MIOS: variants seen among roughly 807,000 people sequenced by gnomAD.
MIOS encodes GATOR2 complex protein MIOS.
Under a neutral mutation model 96.9 loss-of-function variants are expected in MIOS, and 52 were observed. The observed-to-expected ratio is 0.54, with a 90% CI of 0.43 to 0.68. The LOEUF (loss-of-function observed/expected upper bound fraction) is 0.68, where lower values mean the gene tolerates loss of function less well. MIOS is among the 30% of genes least tolerant of loss of function. MIOS has a pLI of 0.00. For missense variants in MIOS, 1,005 were observed against 1,052.8 expected (o/e 0.95, Z 0.63); for synonymous variants, 397 against 359.5 (o/e 1.10, Z -1.18).
intron 11 of MIOS, 52 bp from the exon 12 acceptor site, chr7:7,605,888 CTT>C (rs1784516356): frequency 6.6e-7 from 1 of 1,505,528 alleles, no homozygotes; most frequent in Admixed American, 2.0e-5. Flanking sequence ...TTGAAAGTAA[CTT>C]TAAATAAAAT....
intron 7 of MIOS, among the ~76,000 whole-genome samples, chr7:7,587,821 C>T (rs909727427): frequency 2.0e-5 from 3 of 152,022 alleles, no homozygotes; most frequent in African/African-American, 7.2e-5. Context: ...GATCTTTTTT[C>T]CACCCTTAAA....
At position 7,573,288 on chromosome 7, in the gene MIOS, A is replaced by G. The variant is rs375854740; in HGVS notation, c.813A>G (p.Thr271=). 5 of 1,614,008 alleles carry G rather than the reference A, an allele frequency of 3.1e-6. No homozygotes were observed. The African/African-American group carries it at 4.0e-5, about 13-fold the overall frequency. ...LTLTEQPKPL[T]KVAWCPTRTG... ...TGACTGAGCAACCAAAACCCTTAAC[A>G]AAAGTAGCATGGTGTCCCACTAGGA... The change falls in exon 4 of 13, where the codon ACA becomes ACG. Residue 271 remains threonine (T), a synonymous_variant. Coordinates refer to ENST00000340080, the MANE Select transcript of MIOS (RefSeq NM_019005.4). This position sits in a 1 kb window ranked among gnomAD's most constrained non-coding sequence, Gnocchi z 5.0.
chr7:7,570,980 AC>A (rs987992559), intron 3 of MIOS, among the ~76,000 whole-genome samples: 1 of 152,182 alleles, frequency 6.6e-6, no homozygotes, highest in Non-Finnish European at 1.5e-5. Flanking sequence ...CCCAACTGAA[AC>A]TTTTGCAAGA....
chr7:7,581,240 G>A (rs904764493), intron 5 of MIOS, among the ~76,000 whole-genome samples: 32 of 139,648 alleles, frequency 2.3e-4, no homozygotes, highest in Admixed American at 7.6e-4. Context: ...GGCGGAGGTT[G>A]CAGTGAGCTG....
At chr7:7,570,541 T>C (rs540503916) in intron 3 of MIOS, among the ~76,000 whole-genome samples, 3 of 152,092 alleles carry the variant, frequency 2.0e-5, no homozygotes, top group East Asian at 1.9e-4. Flanking sequence ...TCTATTTACA[T>C]TGTACTATAC....
intron 12 of MIOS, 105 bp downstream of exon 12, chr7:7,606,176 A>T: frequency 7.1e-7 from 1 of 1,403,142 alleles, no homozygotes; most frequent in Non-Finnish European, 9.6e-7. Context: ...CAAAGTATGA[A>T]TTTTATTTTT....
Position 7,573,000 on chromosome 7 carries a change from A to G in MIOS, c.525A>G (p.Thr175=), listed in dbSNP as rs905776522. The G allele has an allele frequency of 6.2e-7, 1 of 1,614,124 alleles. No individual in the cohort carries two copies. The highest frequency in any genetic ancestry group is 8.5e-7 in the Non-Finnish European group (1 of 1,179,970). The change falls in exon 4 of 13, where the codon ACA becomes ACG. Residue 175 remains threonine, a synonymous_variant. Coordinates refer to ENST00000340080, the MANE Select transcript of MIOS (RefSeq NM_019005.4). The surrounding 1 kb of genome is among the most constrained non-coding windows in gnomAD (Gnocchi z 4.8). ...AGETETTLLV[T]KPLYELGQND... is the part of the protein sequence containing the mutation. ...AAACTGAAACAACATTATTAGTAAC[A>G]AAACCACTTTATGAGTTAGGACAGA...
intron 5 of MIOS, among the ~76,000 whole-genome samples, chr7:7,580,668 A>C (rs940631226): frequency 1.3e-5 from 2 of 150,744 alleles, no homozygotes; most frequent in Non-Finnish European, 3.0e-5. Flanking sequence ...AAGAGAGTTT[A>C]GACCTTTGAC....
intron 7 of MIOS, among the ~76,000 whole-genome samples, chr7:7,587,641 A>G (rs1418330041): frequency 1.3e-5 from 2 of 152,174 alleles, no homozygotes; most frequent in Admixed American, 6.5e-5. Flanking sequence ...AAATTTTGTA[A>G]CATATGCAAC....
At chr7:7,570,109 G>A (rs28706886) in intron 3 of MIOS, among the ~76,000 whole-genome samples, 4,516 of 152,260 alleles carry the variant, frequency 0.03, 222 homozygotes, top group African/African-American at 0.1. Flanking sequence ...TGAAGGACCA[G>A]GGGAAAGATG....
chr7:7,605,904 A>G (rs10276434), intron 11 of MIOS, 38 bp from the exon 12 acceptor site: 1,527,435 of 1,564,686 alleles, frequency 0.98, 745,625 homozygotes, highest in East Asian at 1. Flanking sequence ...ATAAAATATT[A>G]TGATATAGTT....
chr7:7,594,883 ATTTC>A lies in MIOS; in HGVS notation c.2044-94_2044-91del, dbSNP rs547230896. On this transcript the variant is annotated intron_variant, in intron 9 of 12. Transcript: ENST00000340080. Reference sequence around the variant, plus strand: ...TTGGCAAAAAAAAAAAAAAAGGCCTATTTCTTCTGTGTTACTCATACTTACATGC... The same window carrying A: ...TTGGCAAAAAAAAAAAAAAAGGCCTATTCTGTGTTACTCATACTTACATGC... 60 of 664,280 alleles carry A rather than the reference ATTTC, an allele frequency of 9.0e-5. No homozygotes were observed. The South Asian group carries it at 2.2e-3, about 24-fold the overall frequency. 41.1% of individuals were successfully genotyped at this position (664,280 alleles called of 1,614,324 possible).
chr7:7,590,735 A>T (rs1055834952), intron 9 of MIOS, among the ~76,000 whole-genome samples: 1 of 152,100 alleles, frequency 6.6e-6, no homozygotes, highest in Non-Finnish European at 1.5e-5. Flanking sequence ...ATCTTTTTTA[A>T]AAGATGTTGC....
In MIOS at chr7:7,596,292, C is replaced by A. The variant is rs753834883; in HGVS notation, c.2232C>A (p.Ile744=). 6.2e-7 allele frequency: 1 copy of A among 1,613,714 alleles called. No homozygotes were observed. The highest frequency in any genetic ancestry group is 8.5e-7 in the Non-Finnish European group (1 of 1,179,858). ...FVSCNFCGKS[I]SYSCSAVPHQ... ...GTTGCAATTTCTGTGGCAAGTCAAT[C>A]TCCTACAGCTGTTCAGCTGTGCCTC... The change falls in exon 11 of 13, where the codon ATC becomes ATA. Residue 744 remains isoleucine, a synonymous_variant. Transcript: ENST00000340080.
chr7:7,569,019 A>T (rs1248229021), intron 3 of MIOS, among the ~76,000 whole-genome samples: 1 of 152,368 alleles, frequency 6.6e-6, no homozygotes, highest in South Asian at 2.1e-4. Context: ...AAGATTGCTT[A>T]CCATAGACCA....
intron 6 of MIOS, among the ~76,000 whole-genome samples, chr7:7,584,678 A>G (rs868124124): frequency 6.6e-6 from 1 of 152,168 alleles, no homozygotes; most frequent in East Asian, 1.9e-4. Context: ...ACACTGCTTT[A>G]TTTGGAAAAG....
rs1401010538 is a variant in MIOS at position 7,595,005 on chromosome 7, A to G, written c.2069A>G (p.Asp690Gly). The change falls in exon 10 of 13, where the codon GAT (aspartate) becomes GGT (glycine). Residue 690 changes from aspartate to glycine, a missense_variant. Physicochemically the swap from Asp to Gly is moderately conservative, Grantham distance 94. Around this residue, in one of 3 missense-constraint regions of MIOS, gnomAD observed 865 missense variants for 887.9 expected, o/e 0.97. Coordinates refer to ENST00000340080, the MANE Select transcript of MIOS (RefSeq NM_019005.4). ...LQGSPLDVLK[D>G]ERVQYWIENY... ...GGTTCACCTTTAGATGTTCTTAAAG[A>G]TGAAAGGGTTCAGTACTGGATTGAG... 3 of 1,607,964 alleles carry G rather than the reference A, an allele frequency of 1.9e-6. No individual in the cohort carries two copies. Among genetic ancestry groups the G allele is most frequent in the Non-Finnish European group, 2.5e-6 (3 of 1,178,018 alleles).
At chr7:7,584,442 A>G (rs1179638414) in intron 6 of MIOS, among the ~76,000 whole-genome samples, 5 of 152,174 alleles carry the variant, frequency 3.3e-5, no homozygotes, top group African/African-American at 1.2e-4. Flanking sequence ...GTATCTTTCC[A>G]GTGATTTTAA....
chr7:7,608,208 A>G lies in MIOS; in HGVS notation c.*1116A>G, dbSNP rs2115522767. On this transcript the variant is annotated 3_prime_UTR_variant, in exon 13 of 13. Transcript: ENST00000340080. Reference sequence around the variant, plus strand: ...ATAGCTAGATAGTTGTAAGAGAAATACAAAGAATTTACAAGATGCTTCTCT... The same window carrying G: ...ATAGCTAGATAGTTGTAAGAGAAATGCAAAGAATTTACAAGATGCTTCTCT... 6.6e-6 allele frequency: 1 copy of G among 152,178 alleles called. No homozygotes were observed. Among genetic ancestry groups the G allele is most frequent in the African/African-American group, 2.4e-5 (1 of 41,554 alleles). 9.4% of individuals were successfully genotyped at this position (152,178 alleles called of 1,614,324 possible).
Sources: gnomAD v4.1 joint callset for allele counts (sites outside exome capture counted in the v4.1 genomes callset) on GRCh38, gnomAD v4.1.1 for gene constraint, gnomAD v4.1.1 regional missense constraint, Gnocchi (gnomAD v3.1) non-coding constraint, MANE v1.5 for transcripts, NCBI Gene and HGNC (gene_info 2026-07-23, HGNC 2026-07-21) for gene names.